Variants in ANK2 observed in about 807,000 individuals in gnomAD.
The protein encoded by ANK2 is ankyrin-2.
Under a neutral mutation model 360.5 loss-of-function variants are expected in ANK2, and 83 were observed. The ratio of observed to expected loss-of-function variants is 0.23; its 90% CI spans 0.19 to 0.28. The LOEUF (loss-of-function observed/expected upper bound fraction) is 0.28. ANK2 is among the 10% of genes least tolerant of loss of function. ANK2 has a pLI of 1.00. For synonymous variants in ANK2, 1,740 were observed against 1,759.5 expected (o/e 0.99, Z 0.28); for missense variants, 4,201 against 4,795.7 (o/e 0.88, Z 3.66).
the ANK2 span, among the ~76,000 whole-genome samples, chr4:112,758,311 AT>A: frequency 2.6e-5 from 4 of 152,146 alleles, no homozygotes; most frequent in African/African-American, 9.7e-5. Flanking sequence ...AAATTTATTC[AT>A]TTAATTTTTA....
At chr4:112,795,530 G>A in the ANK2 span, among the ~76,000 whole-genome samples, 12 of 152,160 alleles carry the variant, frequency 7.9e-5, no homozygotes, top group Non-Finnish European at 1.6e-4. Flanking sequence ...CCGAGATGGA[G>A]TCTCGCTCTG....
At chr4:112,836,552 G>C (rs2061030877) in intron 1 of ANK2, among the ~76,000 whole-genome samples, 1 of 152,196 alleles carries the variant, frequency 6.6e-6, no homozygotes, top group Admixed American at 6.5e-5. Flanking sequence ...CTAGAGACTT[G>C]TTGAATGGTT....
intron 3 of ANK2, among the ~76,000 whole-genome samples, chr4:113,198,052 A>C (rs996252602): frequency 1.3e-5 from 2 of 152,162 alleles, no homozygotes; most frequent in African/African-American, 4.8e-5. Flanking sequence ...GAGATGGTGT[A>C]TAGTTGCCCA....
chr4:113,110,666 T>TGGCACCAGC (rs2094193274), intron 1 of ANK2, among the ~76,000 whole-genome samples: 2 of 152,322 alleles, frequency 1.3e-5, no homozygotes, highest in South Asian at 4.1e-4. Context: ...AGCACTTCAA[T>TGGCACCAGC]TCTCTGGTGC....
At position 113,353,718 on chromosome 4, in the gene ANK2, AAAG is replaced by A; in HGVS notation, c.5104_5106del (p.Lys1702del). ...AACAGCACAAACCAAGCTTGGGAATAAAGAAGCCAGTAAGAAGGAAATTAAAAG... is the reference window on the plus strand; with the variant it reads ...AACAGCACAAACCAAGCTTGGGAATAAAGCCAGTAAGAAGGAAATTAAAAG... On this transcript the variant is annotated inframe_deletion, in exon 38 of 46. Coordinates refer to ENST00000357077, the MANE Select transcript of ANK2 (RefSeq NM_001148.6). 6.2e-7 allele frequency: 1 copy of A among 1,613,868 alleles called. No homozygotes were observed. The highest frequency in any genetic ancestry group is 2.2e-5 in the East Asian group (1 of 44,868).
intron 1 of ANK2, among the ~76,000 whole-genome samples, chr4:113,170,606 CTT>C (rs1344281826): frequency 6.6e-6 from 1 of 152,104 alleles, no homozygotes; most frequent in Non-Finnish European, 1.5e-5. Flanking sequence ...AATTAAAAAA[CTT>C]GTAGCAAGCT....
intron 2 of ANK2, among the ~76,000 whole-genome samples, chr4:112,975,763 G>T (rs182727335): frequency 9.9e-5 from 15 of 152,214 alleles, no homozygotes; most frequent in Admixed American, 4.6e-4. Flanking sequence ...GATCTCTGAG[G>T]CAGTTCCTCT....
Position 113,286,883 on chromosome 4 carries a change from G to A in ANK2, c.2080-722G>A, listed in dbSNP as rs76721277. Among the ~76,000 whole-genome samples the A allele has an allele frequency of 3.5e-3, 531 of 152,280 alleles. 1 individual carries two copies. Among genetic ancestry groups the A allele is most frequent in the African/African-American group, 0.012 (509 of 41,554 alleles). Reference sequence around the variant, plus strand: ...TACTCAAGAAAACACCCGTAAACATGTAAGGCTACCAGAGTGTGACATTGG... The same window carrying A: ...TACTCAAGAAAACACCCGTAAACATATAAGGCTACCAGAGTGTGACATTGG... On this transcript the variant is annotated intron_variant, in intron 18 of 45. Coordinates refer to ENST00000357077, the MANE Select transcript of ANK2 (RefSeq NM_001148.6).
At chr4:113,314,835 G>T (rs1360676412) in intron 24 of ANK2, among the ~76,000 whole-genome samples, 1 of 152,136 alleles carries the variant, frequency 6.6e-6, no homozygotes, top group African/African-American at 2.4e-5. Context: ...AGTTAGAAAT[G>T]ATACACATTG....
chr4:113,103,647 A>G (rs1054781248), intron 1 of ANK2, among the ~76,000 whole-genome samples: 16 of 152,174 alleles, frequency 1.1e-4, no homozygotes, highest in African/African-American at 3.9e-4. Context: ...TGAAGCACGT[A>G]AGATCTTTGG....
Position 113,072,742 on chromosome 4 carries a change from A to ATTTTTTTTTTT in ANK2, c.84+22943_84+22953dup, listed in dbSNP as rs34098456. Among the ~76,000 whole-genome samples the ATTTTTTTTTTT allele has an allele frequency of 6.1e-4, 45 of 74,202 alleles. 1 individual carries two copies. Among genetic ancestry groups the ATTTTTTTTTTT allele is most frequent in the African/African-American group, 1.6e-3 (35 of 22,428 alleles). The allele number at this position is 74,202 out of a possible 152,430, so 48.7% of individuals were successfully genotyped here. A position where few individuals can be genotyped will look rare whatever the true frequency, so the allele number is the denominator to read the frequency against. On this transcript the variant is annotated intron_variant, in intron 1 of 45. Coordinates refer to ENST00000357077, the MANE Select transcript of ANK2 (RefSeq NM_001148.6). ...TCCCTTAAAATAGACACTTGGCATAATTTTTTTTTTTTTTTTTTTTTTTGC... is the reference window on the plus strand; with the variant it reads ...TCCCTTAAAATAGACACTTGGCATAATTTTTTTTTTTTTTTTTTTTTTTTTTTTTTTTTTGC...
intron 22 of ANK2, among the ~76,000 whole-genome samples, chr4:113,298,507 A>G (rs1014946044): frequency 3.3e-5 from 5 of 152,204 alleles, no homozygotes; most frequent in Admixed American, 2.6e-4. Flanking sequence ...TCTTTTGCAT[A>G]GAACAAATCA....
At position 113,336,001 on chromosome 4, in the gene ANK2, G is replaced by A. The variant is rs1331314687; in HGVS notation, c.3535G>A (p.Val1179Met). Reference sequence around the variant, plus strand: ...ACTGAGCAGCACAGTGGTGCCCCAGGTGCAGGCCGTCTTCCCAGAGGGGGC... The same window carrying A: ...ACTGAGCAGCACAGTGGTGCCCCAGATGCAGGCCGTCTTCCCAGAGGGGGC... ...GVLSSTVVPQ[V>M]QAVFPEGALT... Residue 1179 changes from valine to methionine, a missense_variant, in exon 30 of 46, where the codon GTG (valine) becomes ATG (methionine). Coordinates refer to ENST00000357077, the MANE Select transcript of ANK2 (RefSeq NM_001148.6). 4 of 1,614,152 alleles carry A rather than the reference G, an allele frequency of 2.5e-6. No individual in the cohort carries two copies. Among genetic ancestry groups the A allele is most frequent in the Non-Finnish European group, 3.4e-6 (4 of 1,180,024 alleles).
intron 2 of ANK2, among the ~76,000 whole-genome samples, chr4:112,934,787 C>T (rs1482687556): frequency 6.6e-6 from 1 of 152,050 alleles, no homozygotes; most frequent in Non-Finnish European, 1.5e-5. Context: ...GAAATATATG[C>T]TATGTATATG....
At position 113,357,849 on chromosome 4, in the gene ANK2, T is replaced by TACC; in HGVS notation, c.9235_9237dup (p.Thr3079dup). On this transcript the variant is annotated inframe_insertion, in exon 38 of 46. Transcript: ENST00000357077. The stretch of plus-strand genomic sequence containing the variant: ...TGATGGTAGACAGACAATCACAGGG[T>TACC]ACCACCCCTGACACCACTCCTGCTA... 6.2e-7 allele frequency: 1 copy of TACC among 1,613,964 alleles called. No homozygotes were observed. Among genetic ancestry groups the TACC allele is most frequent in the East Asian group, 2.2e-5 (1 of 44,864 alleles).
chr4:113,168,108 T>C (rs1044005196), intron 1 of ANK2, among the ~76,000 whole-genome samples: 3 of 152,194 alleles, frequency 2.0e-5, no homozygotes, highest in Admixed American at 6.5e-5. Flanking sequence ...TCATGGTTGG[T>C]ATCTTAGGGA....
rs2154024675 is a variant in ANK2, at chr4:113,356,023, C to T, written c.7405C>T (p.Leu2469=). 1 of 1,614,122 alleles carries T rather than the reference C, an allele frequency of 6.2e-7. No individual in the cohort carries two copies. The highest frequency in any genetic ancestry group is 8.5e-7 in the Non-Finnish European group (1 of 1,179,980). Residue 2469 remains leucine, a synonymous_variant, in exon 38 of 46, where the codon CTG becomes TTG. Transcript: ENST00000357077. ...GAAAGAATCCCCTTGCCGTGACTCT[C>T]TGGAAAGCAGCCCTGTTGAACCAAA... The part of the protein sequence containing the change: ...PLKESPCRDS[L]ESSPVEPKMK...
intron 25 of ANK2, 75 bp downstream of exon 25, chr4:113,317,884 G>A (rs1192144224): frequency 7.7e-7 from 1 of 1,290,392 alleles, no homozygotes; most frequent in Non-Finnish European, 1.1e-6. Flanking sequence ...GAAATGTCCT[G>A]AGAAAGTTTT....
rs1010389512 is a variant in ANK2 at position 113,253,983 on chromosome 4, A to C, written c.991-1752A>C. 2.0e-5 allele frequency among the ~76,000 whole-genome samples: 3 copies of C among 152,124 alleles called. No individual in the cohort carries two copies. In the East Asian group the frequency reaches 5.8e-4, roughly 29 times the overall value. On this transcript the variant is annotated intron_variant, in intron 10 of 45. Transcript: ENST00000357077. ...CACATTCTTCTCCTTACGATTATTGATATCGATCATGCCCGTTATAATCCC... is the reference window on the plus strand; with the variant it reads ...CACATTCTTCTCCTTACGATTATTGCTATCGATCATGCCCGTTATAATCCC...
Sources: allele counts gnomAD v4.1 joint callset (sites outside exome capture counted in the v4.1 genomes callset), GRCh38; gene constraint gnomAD v4.1.1; transcripts MANE v1.5; gene names NCBI Gene and HGNC (gene_info 2026-07-23, HGNC 2026-07-21).